MYDGF: variants seen among roughly 807,000 people sequenced by gnomAD.
The protein encoded by MYDGF is myeloid-derived growth factor.
MYDGF carries 29 observed loss-of-function variants against 24.2 expected under a neutral mutation model. The ratio of observed to expected loss-of-function variants is 1.20; its 90% CI spans 0.89 to 1.63. The LOEUF is 1.63. Ranked by LOEUF, MYDGF falls within the 40% of genes most tolerant of loss-of-function variation. The pLI is 0.00. For synonymous variants in MYDGF, 105 were observed against 102.5 expected (o/e 1.02, Z -0.15); for missense variants, 245 against 234.8 (o/e 1.04, Z -0.29).
In MYDGF at chr19:4,657,592, C is replaced by G. The variant is rs146182771; in HGVS notation, c.*413G>C. 2.2e-4 allele frequency: 35 copies of G among 156,888 alleles called. No homozygotes were observed. In the East Asian group the frequency reaches 6.2e-3, roughly 28 times the overall value. 9.7% of individuals were successfully genotyped at this position (156,888 alleles called of 1,614,324 possible). On this transcript the variant is annotated 3_prime_UTR_variant, in exon 6 of 6. Coordinates refer to ENST00000262947, the MANE Select transcript of MYDGF (RefSeq NM_019107.4). ...ATTTAAATATGAAAAAACATTTCAT[C>G]TCTTCCCAGTTCATCTGAAAGGAGG... is the stretch of plus-strand genomic sequence containing the variant.
intron 4 of MYDGF, 185 bp downstream of exon 4, chr19:4,660,484 C>T (rs1436363076): frequency 8.8e-6 from 5 of 569,050 alleles, no homozygotes; most frequent in Non-Finnish European, 1.5e-5. Context: ...GTTACCAAAC[C>T]CCCGTGCCCC....
At chr19:4,662,677 A>G (rs929028436) in intron 3 of MYDGF, among the ~76,000 whole-genome samples, 1 of 152,062 alleles carries the variant, frequency 6.6e-6, no homozygotes, top group Non-Finnish European at 1.5e-5. Flanking sequence ...TGATTCCCAG[A>G]TGTCTGCACC....
rs1244071464 is a variant in MYDGF, at chr19:4,657,949, AG to A, written c.*55del. 4.2e-5 allele frequency: 62 copies of A among 1,482,288 alleles called. No individual in the cohort carries two copies. The South Asian group carries it at 6.6e-4, about 16-fold the overall frequency. The allele number at this position is 1,482,288 out of a possible 1,614,324, so 91.8% of individuals were successfully genotyped here. A position where few individuals can be genotyped will look rare whatever the true frequency, so the allele number is the denominator to read the frequency against. On this transcript the variant is annotated 3_prime_UTR_variant, in exon 6 of 6. Coordinates refer to ENST00000262947, the MANE Select transcript of MYDGF (RefSeq NM_019107.4). Reference sequence around the variant, plus strand: ...GATGTGCTGGCCCTTTCAGGGACACAGGCCCCTTCAGCTTCACCGGAGATGA... The same window carrying A: ...GATGTGCTGGCCCTTTCAGGGACACAGCCCCTTCAGCTTCACCGGAGATGA...
chr19:4,670,193 C>T lies in MYDGF; in HGVS notation c.142G>A (p.Val48Met), dbSNP rs200758574. 68 of 1,555,600 alleles carry T rather than the reference C, an allele frequency of 4.4e-5. No homozygotes were observed. Among genetic ancestry groups the T allele is most frequent in the Admixed American group, 1.7e-4 (9 of 51,720 alleles). The change falls in exon 1 of 6, where the codon GTG (valine) becomes ATG (methionine). Residue 48 changes from valine to methionine, a missense_variant. Val to Met is a conservative substitution (Grantham distance 21). Coordinates refer to ENST00000262947, the MANE Select transcript of MYDGF (RefSeq NM_019107.4). Reference sequence around the variant, plus strand: ...CCCACGTTATGGGAGAAGGAATGCACGACGCCGCCGGGCCGCACGTCAAAC... The same window carrying T: ...CCCACGTTATGGGAGAAGGAATGCATGACGCCGCCGGGCCGCACGTCAAAC... ...VAFDVRPGGVVHSFSHNVGPG... is the reference protein window; with the variant it reads ...VAFDVRPGGVMHSFSHNVGPG...
chr19:4,665,369 G>C (rs2088512564), intron 2 of MYDGF, among the ~76,000 whole-genome samples: 1 of 151,904 alleles, frequency 6.6e-6, no homozygotes. Flanking sequence ...ACCACACCCA[G>C]CTAATTTTTG....
Position 4,660,748 on chromosome 19 carries a change from G to A in MYDGF, c.290C>T (p.Pro97Leu), listed in dbSNP as rs1486567911. 1.2e-6 allele frequency: 2 copies of A among 1,613,330 alleles called. No homozygotes were observed. Among genetic ancestry groups the A allele is most frequent in the African/African-American group, 1.3e-5 (1 of 74,902 alleles). ...GAAGTACAGATAGGACTTCCCCTGG[G>A]GCCTGCAGAGGAAGAGGGGGCGAGG... is the stretch of plus-strand genomic sequence containing the variant. The part of the protein sequence containing the change: ...HQHFTCTIWR[P>L]QGKSYLYFTQ... The change falls in exon 4 of 6, where the codon CCC (proline) becomes CTC (leucine). Residue 97 changes from proline to leucine, a missense_variant and splice_region_variant. Physicochemically the swap from Pro to Leu is moderately conservative, Grantham distance 98. Transcript: ENST00000262947.
At chr19:4,661,929 T>C (rs952869917) in intron 3 of MYDGF, among the ~76,000 whole-genome samples, 7 of 152,190 alleles carry the variant, frequency 4.6e-5, no homozygotes, top group Non-Finnish European at 7.4e-5. Flanking sequence ...TCTGGGGAGC[T>C]GGCACTCAGG....
At chr19:4,666,202 C>T (rs1278294708) in intron 2 of MYDGF, among the ~76,000 whole-genome samples, 4 of 151,948 alleles carry the variant, frequency 2.6e-5, no homozygotes, top group African/African-American at 7.3e-5. Context: ...CCTGGTTAAA[C>T]GGTACTTGGA....
At chr19:4,664,840 G>A (rs751147308) in intron 3 of MYDGF, 36 bp downstream of exon 3, 34 of 1,608,362 alleles carry the variant, frequency 2.1e-5, no homozygotes, top group Middle Eastern at 3.3e-4. Flanking sequence ...GCAGGCCAAC[G>A]GCAGCCGGAA....
intron 3 of MYDGF, among the ~76,000 whole-genome samples, chr19:4,664,220 A>G (rs1364653651): frequency 6.6e-6 from 1 of 152,012 alleles, no homozygotes. Flanking sequence ...AGGGGATGAA[A>G]ATGTTCTGGA....
intron 5 of MYDGF, among the ~76,000 whole-genome samples, chr19:4,658,713 C>A (rs1481894654): frequency 6.6e-6 from 1 of 152,206 alleles, no homozygotes; most frequent in African/African-American, 2.4e-5. Flanking sequence ...TTCCCAGTGA[C>A]CCCTGCAGCC....
chr19:4,659,801 A>G (rs995535522), intron 5 of MYDGF, 130 bp downstream of exon 5: 2 of 789,190 alleles, frequency 2.5e-6, no homozygotes, highest in African/African-American at 3.4e-5. Context: ...GCCTTTATAG[A>G]ATCAGTTTGT....
At chr19:4,662,308 T>C (rs1599836965) in intron 3 of MYDGF, among the ~76,000 whole-genome samples, 1 of 152,176 alleles carries the variant, frequency 6.6e-6, no homozygotes, top group East Asian at 1.9e-4. Context: ...GACTTCTCCC[T>C]CCAAAGTGTC....
At chr19:4,666,254 T>C (rs2088520701) in intron 2 of MYDGF, among the ~76,000 whole-genome samples, 1 of 152,046 alleles carries the variant, frequency 6.6e-6, no homozygotes, top group Non-Finnish European at 1.5e-5. Flanking sequence ...AAATCTACCA[T>C]GATCTCAAAA....
At chr19:4,663,475 T>C (rs1238743933) in intron 3 of MYDGF, among the ~76,000 whole-genome samples, 7 of 42,096 alleles carry the variant, frequency 1.7e-4, no homozygotes, top group Non-Finnish European at 1.7e-4. Flanking sequence ...CCCCACCCCA[T>C]CCTCATTCTA....
intron 1 of MYDGF, 71 bp downstream of exon 1, chr19:4,670,090 G>GC: frequency 8.8e-7 from 1 of 1,139,322 alleles, no homozygotes; most frequent in Non-Finnish European, 1.1e-6. Context: ...CTCGGGCCCC[G>GC]CCCCCAATGC....
chr19:4,670,168 C>A lies in MYDGF; in HGVS notation c.167G>T (p.Gly56Val). The A allele has an allele frequency of 6.5e-7, 1 of 1,537,228 alleles. No individual in the cohort carries two copies. Among genetic ancestry groups the A allele is most frequent in the Non-Finnish European group, 8.8e-7 (1 of 1,142,180 alleles). The change falls in exon 1 of 6, where the codon GGC (glycine) becomes GTC (valine). Residue 56 changes from glycine to valine, a missense_variant. Physicochemically the swap from Gly to Val is moderately radical, Grantham distance 109. Transcript: ENST00000262947. ...GACGGCGGTGGCACGTACCCCCGGG[C>A]CCACGTTATGGGAGAAGGAATGCAC... ...GVVHSFSHNVGPGDKYTCMFT... is the reference protein window; with the variant it reads ...GVVHSFSHNVVPGDKYTCMFT...
chr19:4,668,836 C>A (rs113802909), intron 1 of MYDGF, 191 bp from the exon 2 acceptor site: 3 of 512,118 alleles, frequency 5.9e-6, no homozygotes, highest in Non-Finnish European at 1.1e-5. Context: ...TACGCAACCA[C>A]CACACCCGAC....
At chr19:4,664,518 AG>A (rs1247676063) in intron 3 of MYDGF, among the ~76,000 whole-genome samples, 1 of 151,402 alleles carries the variant, frequency 6.6e-6, no homozygotes, top group Non-Finnish European at 1.5e-5. Flanking sequence ...ATTGCCAAAA[AG>A]CCCTTTGGTG....
Sources: gnomAD v4.1 joint callset for allele counts (sites outside exome capture counted in the v4.1 genomes callset) on GRCh38, gnomAD v4.1.1 for gene constraint, MANE v1.5 for transcripts, NCBI Gene and HGNC (gene_info 2026-07-23, HGNC 2026-07-21) for gene names.